SRGAP3: variants seen among roughly 807,000 people sequenced by gnomAD.
SRGAP3 encodes the protein SLIT-ROBO Rho GTPase activating protein 3.
Under a neutral mutation model 121.1 loss-of-function variants are expected in SRGAP3, and 39 were observed. That is an observed-to-expected ratio of 0.32 (90% CI 0.25 to 0.42). The LOEUF (loss-of-function observed/expected upper bound fraction) is 0.42. SRGAP3 is among the 10% of genes least tolerant of loss of function. The pLI, the probability that SRGAP3 is intolerant of heterozygous loss-of-function variation, is 1.00. For missense variants in SRGAP3, 1,213 were observed against 1,470.6 expected (o/e 0.82, Z 2.86); for synonymous variants, 601 against 570.0 (o/e 1.05, Z -0.77).
chr3:9,139,988 G>C (rs562932797), intron 1 of SRGAP3, among the ~76,000 whole-genome samples: 2 of 152,260 alleles, frequency 1.3e-5, no homozygotes, highest in African/African-American at 2.4e-5. Context: ...GGCAGCAAGA[G>C]TGATAAAAAT....
In SRGAP3 at chr3:8,985,790, G is replaced by GCGGGCTCCGAGCTGA; in HGVS notation, c.3014_3028dup (p.Val1005_Pro1009dup). On this transcript the variant is annotated inframe_insertion, in exon 22 of 22. Coordinates refer to ENST00000383836, the MANE Select transcript of SRGAP3 (RefSeq NM_014850.4). The surrounding 1 kb of genome is among the most constrained non-coding windows in gnomAD (Gnocchi z 5.1). ...GATGACGATGGTGTGAAGGGGACTG[G>GCGGGCTCCGAGCTGA]CGGGCTCCGAGCTGACGGGGCCTGG... The GCGGGCTCCGAGCTGA allele has an allele frequency of 6.2e-7, 1 of 1,600,384 alleles. No homozygotes were observed. Among genetic ancestry groups the GCGGGCTCCGAGCTGA allele is most frequent in the African/African-American group, 1.3e-5 (1 of 75,016 alleles).
chr3:9,344,487 C>A (rs1353267922), intron 1 of SRGAP3, among the ~76,000 whole-genome samples: 1 of 151,888 alleles, frequency 6.6e-6, no homozygotes, highest in African/African-American at 2.4e-5. Flanking sequence ...CAAAAATTAG[C>A]CAGGTGTGAC....
chr3:9,050,564 G>A (rs1945516973), intron 9 of SRGAP3, among the ~76,000 whole-genome samples: 1 of 152,240 alleles, frequency 6.6e-6, no homozygotes. Context: ...AATGAGTCAT[G>A]AGAAGGTATA....
intron 1 of SRGAP3, among the ~76,000 whole-genome samples, chr3:9,191,167 TAG>T (rs1491248039): frequency 1.3e-5 from 2 of 152,080 alleles, no homozygotes; most frequent in African/African-American, 4.8e-5. Context: ...TTCACCACTT[TAG>T]AGAGACTGGA....
chr3:9,071,563 T>C (rs1301649654), intron 4 of SRGAP3, among the ~76,000 whole-genome samples: 3 of 151,950 alleles, frequency 2.0e-5, no homozygotes, highest in Non-Finnish European at 2.9e-5. Flanking sequence ...TGTCACCACA[T>C]GGGAGAAGCC....
intron 1 of SRGAP3, among the ~76,000 whole-genome samples, chr3:9,142,943 T>TCCTC (rs1336516294): frequency 6.8e-6 from 1 of 147,284 alleles, no homozygotes; most frequent in Non-Finnish European, 1.5e-5. Flanking sequence ...GCTCAAGTGA[T>TCCTC]CCTCCCACTT....
intron 9 of SRGAP3, among the ~76,000 whole-genome samples, chr3:9,048,456 G>C (rs1400566115): frequency 2.6e-5 from 4 of 152,230 alleles, no homozygotes; most frequent in Non-Finnish European, 5.9e-5. Context: ...GGGCTGGGGA[G>C]GGAGACAATA....
intron 1 of SRGAP3, among the ~76,000 whole-genome samples, chr3:9,163,731 G>A (rs1950682551): frequency 6.6e-6 from 1 of 152,158 alleles, no homozygotes; most frequent in South Asian, 2.1e-4. Flanking sequence ...TAAGGCCTCT[G>A]CACAGTCAGG....
chr3:9,288,449 A>G (rs945663493), intron 3 of SRGAP3, among the ~76,000 whole-genome samples: 1 of 151,058 alleles, frequency 6.6e-6, no homozygotes, highest in Non-Finnish European at 1.5e-5. Flanking sequence ...GTTTCATTCT[A>G]TCTTCCAGAG....
intron 12 of SRGAP3, among the ~76,000 whole-genome samples, chr3:9,031,613 C>G (rs1366591498): frequency 3.3e-5 from 5 of 152,152 alleles, no homozygotes; most frequent in African/African-American, 9.7e-5. Context: ...CTGCTTACCC[C>G]CTCCCCTGCC....
chr3:8,999,326 T>C (rs1574875886), intron 18 of SRGAP3, among the ~76,000 whole-genome samples: 2 of 152,244 alleles, frequency 1.3e-5, no homozygotes, highest in East Asian at 3.8e-4. Flanking sequence ...TGAACTAGCA[T>C]GGGCTAGACA....
intron 18 of SRGAP3, among the ~76,000 whole-genome samples, chr3:8,995,696 G>A (rs868048377): frequency 2.0e-5 from 3 of 152,158 alleles, no homozygotes; most frequent in Admixed American, 6.5e-5. Flanking sequence ...GGGAAGAGAC[G>A]TTTTGGGGAG....
chr3:9,270,755 G>A (rs1286905886), intron 3 of SRGAP3, among the ~76,000 whole-genome samples: 1 of 152,068 alleles, frequency 6.6e-6, no homozygotes, highest in South Asian at 2.1e-4. Context: ...GAAGGGAGGT[G>A]GGAGTTTCAT....
intron 1 of SRGAP3, among the ~76,000 whole-genome samples, chr3:9,199,327 G>A (rs1371252818): frequency 6.6e-6 from 1 of 152,136 alleles, no homozygotes; most frequent in Non-Finnish European, 1.5e-5. Flanking sequence ...AATGTGTACC[G>A]GCAGAAGTCA....
chr3:9,136,260 G>T (rs114255448), intron 1 of SRGAP3, among the ~76,000 whole-genome samples: 3,836 of 152,300 alleles, frequency 0.025, 165 homozygotes, highest in African/African-American at 0.088. Context: ...CTAGCCTCCT[G>T]TACACCGAGA....
chr3:9,109,709 T>G lies in SRGAP3; in HGVS notation c.261-4867A>C, dbSNP rs1575086905. Reference sequence around the variant, plus strand: ...GGAGGCTATGGAGCAGAGAGGAGCCTCCTTCCCCAGATCTGGTGGTGAGGT... The same window carrying G: ...GGAGGCTATGGAGCAGAGAGGAGCCGCCTTCCCCAGATCTGGTGGTGAGGT... On this transcript the variant is annotated intron_variant, in intron 2 of 21. Transcript: ENST00000383836. This position sits in a 1 kb window ranked among gnomAD's most constrained non-coding sequence, Gnocchi z 4.4. Among the ~76,000 whole-genome samples, 1 of 152,118 alleles carries G rather than the reference T, an allele frequency of 6.6e-6. No individual in the cohort carries two copies. The highest frequency in any genetic ancestry group is 1.5e-5 in the Non-Finnish European group (1 of 68,022).
chr3:9,154,262 A>G (rs1022488403), intron 1 of SRGAP3, among the ~76,000 whole-genome samples: 1 of 151,762 alleles, frequency 6.6e-6, no homozygotes, highest in Non-Finnish European at 1.5e-5. Context: ...TGGCATTCTC[A>G]CCCTCATCAC....
Position 9,188,128 on chromosome 3 carries a change from T to A in SRGAP3, c.67+60757A>T, listed in dbSNP as rs558681983. Among the ~76,000 whole-genome samples the A allele has an allele frequency of 4.6e-5, 7 of 152,302 alleles. No individual in the cohort carries two copies. The South Asian group carries it at 1.5e-3, about 32-fold the overall frequency. Reference sequence around the variant, plus strand: ...TACCAAACGTGCATTTTTCTATGTGTACATTATACTTCAATAACACAGATT... The same window carrying A: ...TACCAAACGTGCATTTTTCTATGTGAACATTATACTTCAATAACACAGATT... On this transcript the variant is annotated intron_variant, in intron 1 of 21. Coordinates refer to ENST00000383836, the MANE Select transcript of SRGAP3 (RefSeq NM_014850.4).
chr3:9,249,890 CTT>C (rs1231253143), upstream of SRGAP3, among the ~76,000 whole-genome samples: 1 of 152,214 alleles, frequency 6.6e-6, no homozygotes, highest in East Asian at 1.9e-4. Context: ...CTTCCAAAAA[CTT>C]AAGATCCTCC....
Sources: gnomAD v4.1 joint callset for allele counts (sites outside exome capture counted in the v4.1 genomes callset) on GRCh38, gnomAD v4.1.1 for gene constraint, Gnocchi (gnomAD v3.1) non-coding constraint, MANE v1.5 for transcripts, NCBI Gene and HGNC (gene_info 2026-07-23, HGNC 2026-07-21) for gene names.